Variants in DLG2 observed in about 807,000 individuals in gnomAD.
The protein encoded by DLG2 is disks large homolog 2.
In DLG2, 45 loss-of-function variants were observed where a neutral mutation model predicts 132.5. The ratio of observed to expected loss-of-function variants is 0.34; its 90% confidence interval spans 0.27 to 0.44. The LOEUF is 0.44. Among genes scored for constraint, DLG2 ranks in the 20% least tolerant of loss-of-function variants. The pLI is 1.00. For synonymous variants in DLG2, 424 were observed against 419.6 expected (o/e 1.01, Z -0.13); for missense variants, 1,045 against 1,196.9 (o/e 0.87, Z 1.87).
chr11:84,428,947 T>C (rs1158841943), intron 7 of DLG2, among the ~76,000 whole-genome samples: 1 of 151,690 alleles, frequency 6.6e-6, no homozygotes, highest in Non-Finnish European at 1.5e-5. Flanking sequence ...TGCTAGTTAC[T>C]GTTTGTTTTA....
rs2077478179 is a variant in DLG2, at chr11:85,154,652, CTAAAA to C, written c.187-6_187-2del. Reference sequence around the variant, plus strand: ...CCTTTGATCCACTGCAATCTGTAAGCTAAAATAAAAGTTTAAAAAATCAATACTCC... The same window carrying C: ...CCTTTGATCCACTGCAATCTGTAAGCTAAAAGTTTAAAAAATCAATACTCC... On this transcript the variant is annotated splice_acceptor_variant and splice_polypyrimidine_tract_variant and intron_variant, in intron 4 of 27. Coordinates refer to ENST00000376104, the MANE Select transcript of DLG2 (RefSeq NM_001142699.3). LOFTEE classifies it high-confidence loss of function. 2 of 1,459,172 alleles carry C rather than the reference CTAAAA, an allele frequency of 1.4e-6. No homozygotes were observed. Among genetic ancestry groups the C allele is most frequent in the African/African-American group, 1.4e-5 (1 of 70,298 alleles). 90.4% of individuals were successfully genotyped at this position (1,459,172 alleles called of 1,614,324 possible).
At position 84,527,893 on chromosome 11, in the gene DLG2, TTCTCTCTCTCTCTCTC is replaced by T. The variant is rs60170305; in HGVS notation, c.519+6661_519+6676del. On this transcript the variant is annotated intron_variant, in intron 7 of 27. Coordinates refer to ENST00000376104, the MANE Select transcript of DLG2 (RefSeq NM_001142699.3). The stretch of plus-strand genomic sequence containing the variant: ...GAGGACAGCAGTTAACTCCCTCCCT[TTCTCTCTCTCTCTCTC>T]TCTCTCTCTCTCTCTCTCTCTCTCT... Among the ~76,000 whole-genome samples, 7 of 125,664 alleles carry T rather than the reference TTCTCTCTCTCTCTCTC, an allele frequency of 5.6e-5. No homozygotes were observed. The East Asian group carries it at 7.6e-4, about 14-fold the overall frequency. 82.4% of individuals were successfully genotyped at this position (125,664 alleles called of 152,430 possible).
chr11:83,635,306 C>A (rs12273560), intron 18 of DLG2, among the ~76,000 whole-genome samples: 36,410 of 152,092 alleles, frequency 0.24, 4,680 homozygotes, highest in African/African-American at 0.33. Flanking sequence ...TTGAGCAAGT[C>A]GTATTTTCTT....
chr11:85,406,207 T>C (rs2088714993), intron 3 of DLG2, among the ~76,000 whole-genome samples: 1 of 151,484 alleles, frequency 6.6e-6, no homozygotes, highest in South Asian at 2.1e-4. Flanking sequence ...TCCAAATATG[T>C]GTGCCTCTGA....
chr11:84,419,134 G>A (rs2098939848), intron 7 of DLG2, among the ~76,000 whole-genome samples: 1 of 151,752 alleles, frequency 6.6e-6, no homozygotes, highest in Non-Finnish European at 1.5e-5. Context: ...GAAGGCGAGA[G>A]GGAGAAAAAA....
chr11:83,712,314 G>A (rs575352911), intron 18 of DLG2, among the ~76,000 whole-genome samples: 1 of 152,180 alleles, frequency 6.6e-6, no homozygotes, highest in South Asian at 2.1e-4. Flanking sequence ...ATACACCACG[G>A]AATACCATGC....
At chr11:84,221,689 C>A (rs1285740611) in intron 8 of DLG2, among the ~76,000 whole-genome samples, 1 of 152,018 alleles carries the variant, frequency 6.6e-6, no homozygotes, top group Non-Finnish European at 1.5e-5. Context: ...AAGAAAATAT[C>A]AGCTAATATT....
At chr11:84,459,535 T>A (rs2099074655) in intron 7 of DLG2, among the ~76,000 whole-genome samples, 1 of 150,690 alleles carries the variant, frequency 6.6e-6, no homozygotes, top group Admixed American at 6.6e-5. Context: ...AAATTAATAC[T>A]AGAAAATTTA....
chr11:83,871,638 G>GTCACAGTGATTATGTGC (rs1555096540), intron 16 of DLG2, among the ~76,000 whole-genome samples: 1 of 151,742 alleles, frequency 6.6e-6, no homozygotes, highest in African/African-American at 2.4e-5. Context: ...CCCACTATGT[G>GTCACAGTGATTATGTGC]CACGTTATCT....
intron 6 of DLG2, among the ~76,000 whole-genome samples, chr11:85,105,288 A>C (rs2071560244): frequency 6.6e-6 from 1 of 151,970 alleles, no homozygotes; most frequent in Non-Finnish European, 1.5e-5. Context: ...TTCAAAGATC[A>C]GTGTAACAAA....
chr11:84,318,488 TCTCAGTGGATTGACCAGGTG>T (rs1347741137), intron 7 of DLG2, among the ~76,000 whole-genome samples: 1 of 152,212 alleles, frequency 6.6e-6, no homozygotes, highest in African/African-American at 2.4e-5. Context: ...AAATCTACCT[TCTCAGTGGATTGACCAGGTG>T]CTGGGGCAGT....
At chr11:84,349,772 A>G (rs1441432009) in intron 7 of DLG2, among the ~76,000 whole-genome samples, 3 of 152,190 alleles carry the variant, frequency 2.0e-5, no homozygotes, top group African/African-American at 7.2e-5. Context: ...CTTTTGGCAG[A>G]GAGGATTGTT....
chr11:84,064,933 A>C (rs1464792102), intron 10 of DLG2, among the ~76,000 whole-genome samples: 1 of 152,164 alleles, frequency 6.6e-6, no homozygotes, highest in African/African-American at 2.4e-5. Context: ...CAGCCATCTG[A>C]TTTTCAACAA....
chr11:84,393,123 G>A (rs1297939136), intron 7 of DLG2, among the ~76,000 whole-genome samples: 1 of 152,070 alleles, frequency 6.6e-6, no homozygotes, highest in Non-Finnish European at 1.5e-5. Flanking sequence ...AGACGGGATC[G>A]CCTTTGAATC....
intron 18 of DLG2, among the ~76,000 whole-genome samples, chr11:83,665,103 G>C (rs1592028220): frequency 6.6e-6 from 1 of 152,198 alleles, no homozygotes. Flanking sequence ...TGAAACTTTA[G>C]ATGTGTGGAA....
intron 4 of DLG2, among the ~76,000 whole-genome samples, chr11:85,251,507 G>T (rs911425752): frequency 6.6e-6 from 1 of 152,036 alleles, no homozygotes. Flanking sequence ...ACTTGATACA[G>T]ATTTTTTTCA....
At chr11:84,168,358 C>T (rs1042490201) in intron 8 of DLG2, among the ~76,000 whole-genome samples, 25 of 152,306 alleles carry the variant, frequency 1.6e-4, no homozygotes, top group African/African-American at 5.8e-4. Context: ...ATGTTCTAAT[C>T]CTTCTCCTTA....
In DLG2 at chr11:83,907,027, G is replaced by C. The variant is rs193254239; in HGVS notation, c.1496+23301C>G. On this transcript the variant is annotated intron_variant, in intron 15 of 27. Transcript: ENST00000376104. ...GAGCCAGTTTCTTCCAAGGTCTGCA[G>C]AGGAAGAATCAGAAAAAGATCCATG... is the stretch of plus-strand genomic sequence containing the variant. 4.6e-5 allele frequency among the ~76,000 whole-genome samples: 7 copies of C among 152,322 alleles called. No homozygotes were observed. In the East Asian group the frequency reaches 1.4e-3, roughly 29 times the overall value.
intron 3 of DLG2, among the ~76,000 whole-genome samples, chr11:85,323,634 C>A (rs1660261396): frequency 6.6e-6 from 1 of 152,122 alleles, no homozygotes. Flanking sequence ...ACATATTAAC[C>A]AACCTCTTTT....
Sources: allele counts gnomAD v4.1 joint callset (sites outside exome capture counted in the v4.1 genomes callset), GRCh38; gene constraint gnomAD v4.1.1; transcripts MANE v1.5; gene names NCBI Gene and HGNC (gene_info 2026-07-23, HGNC 2026-07-21).